Variants in ADARB2 observed in about 807,000 individuals in gnomAD.
ADARB2 encodes inactive double-stranded RNA-specific editase B2.
A neutral mutation model predicts 62.2 loss-of-function variants in ADARB2; 25 were observed. The ratio of observed to expected loss-of-function variants is 0.40; its 90% CI spans 0.29 to 0.56. ADARB2 has a LOEUF of 0.56. Ranked by LOEUF, ADARB2 falls within the 20% of genes least tolerant of loss-of-function variation. The probability of loss-of-function intolerance (pLI) is 0.43; values close to 1 mark genes in which losing one functional copy is unlikely to be tolerated. For missense variants in ADARB2, 1,071 were observed against 1,077.4 expected, an observed-to-expected ratio of 0.99 and a Z score of 0.08; for synonymous variants, 572 against 500.8, an observed-to-expected ratio of 1.14 and a Z score of -1.90.
chr10:1,327,895 T>A (rs1317509520), intron 3 of ADARB2, among the ~76,000 whole-genome samples: 2 of 74,704 alleles, frequency 2.7e-5, no homozygotes, highest in Non-Finnish European at 3.2e-5. Flanking sequence ...TCCTCACAGC[T>A]CAGCGCCTCC....
chr10:1,684,039 T>C (rs1208135146), intron 1 of ADARB2, among the ~76,000 whole-genome samples: 1 of 152,168 alleles, frequency 6.6e-6, no homozygotes, highest in African/African-American at 2.4e-5. Context: ...AATGAGACAA[T>C]GATAAGACCC....
intron 4 of ADARB2, among the ~76,000 whole-genome samples, chr10:1,260,019 C>A (rs1044616480): frequency 6.6e-6 from 1 of 152,080 alleles, no homozygotes; most frequent in Non-Finnish European, 1.5e-5. Flanking sequence ...TAAATGTAAT[C>A]CAGCATATAA....
chr10:1,244,052 C>T (rs1415499966), intron 4 of ADARB2, among the ~76,000 whole-genome samples: 2 of 152,270 alleles, frequency 1.3e-5, no homozygotes, highest in African/African-American at 2.4e-5. Flanking sequence ...CAGGCCTCCT[C>T]CTCTCTCAGC....
intron 5 of ADARB2, chr10:1,240,470 C>T (rs1342588042): frequency 1.3e-5 from 2 of 152,012 alleles, no homozygotes; most frequent in Non-Finnish European, 1.5e-5. Context: ...ACACAGGCAA[C>T]AGAACAGACA....
At chr10:1,593,553 T>C (rs1446777286) in intron 1 of ADARB2, among the ~76,000 whole-genome samples, 1 of 152,258 alleles carries the variant, frequency 6.6e-6, no homozygotes, top group Non-Finnish European at 1.5e-5. Context: ...TTTAAATTCC[T>C]CAAGTATGGT....
chr10:1,667,211 T>A (rs1834326703), intron 1 of ADARB2, among the ~76,000 whole-genome samples: 1 of 152,218 alleles, frequency 6.6e-6, no homozygotes, highest in Non-Finnish European at 1.5e-5. Flanking sequence ...AAATGTCACA[T>A]GATAATTAGT....
intron 1 of ADARB2, among the ~76,000 whole-genome samples, chr10:1,635,096 A>T (rs1351341363): frequency 1.3e-5 from 2 of 152,370 alleles, no homozygotes; most frequent in Admixed American, 1.3e-4. Context: ...ATGTACACTG[A>T]AAGAGTCTAT....
intron 1 of ADARB2, among the ~76,000 whole-genome samples, chr10:1,522,815 G>A (rs1207094628): frequency 1.3e-5 from 2 of 152,180 alleles, no homozygotes; most frequent in East Asian, 1.9e-4. Context: ...TCAGAGGACA[G>A]CGTGCCTGCA....
intron 3 of ADARB2, among the ~76,000 whole-genome samples, chr10:1,272,723 C>A (rs1344901166): frequency 6.6e-6 from 1 of 152,238 alleles, no homozygotes; most frequent in African/African-American, 2.4e-5. Context: ...CAGGCTGCTC[C>A]CAGCTGTCCT....
At chr10:1,628,276 C>T (rs182763413) in intron 1 of ADARB2, among the ~76,000 whole-genome samples, 1 of 152,374 alleles carries the variant, frequency 6.6e-6, no homozygotes, top group East Asian at 1.9e-4. Context: ...TAACAGCACA[C>T]AACCCTGCTA....
chr10:1,274,425 G>A (rs1251991003), intron 3 of ADARB2, among the ~76,000 whole-genome samples: 10 of 152,178 alleles, frequency 6.6e-5, no homozygotes, highest in Non-Finnish European at 1.5e-4. Flanking sequence ...CACACGCTGT[G>A]CTCCAGAGTT....
chr10:1,594,906 T>G (rs1833309960), intron 1 of ADARB2, among the ~76,000 whole-genome samples: 1 of 152,140 alleles, frequency 6.6e-6, no homozygotes, highest in Non-Finnish European at 1.5e-5. Flanking sequence ...TGGGGTGCCA[T>G]CCACGCATCC....
rs1589160330 is a variant in ADARB2, at chr10:1,233,978, C to CTTTTTTTTTT, written c.1362-143_1362-134dup. ...CTTTATATTTTTCCTTTTTTTTTTC[C>CTTTTTTTTTT]TTTTTTTTTTGAGACGGAGTCTTGT... On this transcript the variant is annotated intron_variant, in intron 5 of 9. Transcript: ENST00000381312. 4.6e-6 allele frequency: 2 copies of CTTTTTTTTTT among 433,412 alleles called. 1 individual carries two copies. The allele number at this position is 433,412 out of a possible 1,614,324, so 26.8% of individuals were successfully genotyped here.
chr10:1,627,283 G>C (rs1041795698), intron 1 of ADARB2, among the ~76,000 whole-genome samples: 1 of 152,074 alleles, frequency 6.6e-6, no homozygotes, highest in Admixed American at 6.5e-5. Flanking sequence ...TCCTGATCAC[G>C]GACACTTGAC....
chr10:1,586,348 C>T (rs181287322), intron 1 of ADARB2, among the ~76,000 whole-genome samples: 7 of 152,172 alleles, frequency 4.6e-5, no homozygotes, highest in Admixed American at 2.6e-4. Context: ...TGAAGGACCC[C>T]GAGTGCTTGA....
intron 1 of ADARB2, among the ~76,000 whole-genome samples, chr10:1,547,187 G>A (rs1313584154): frequency 6.6e-6 from 1 of 152,178 alleles, no homozygotes; most frequent in African/African-American, 2.4e-5. Context: ...TGCTGCGCAG[G>A]TGTATACACT....
At chr10:1,577,587 G>T (rs1466663626) in intron 1 of ADARB2, among the ~76,000 whole-genome samples, 1 of 152,226 alleles carries the variant, frequency 6.6e-6, no homozygotes, top group Admixed American at 6.5e-5. Context: ...AGCTGTGAAC[G>T]TGCCAGGCTG....
chr10:1,472,257 C>G (rs1247752123), intron 1 of ADARB2, among the ~76,000 whole-genome samples: 1 of 152,244 alleles, frequency 6.6e-6, no homozygotes, highest in African/African-American at 2.4e-5. Flanking sequence ...ATACTTTTCT[C>G]CAGCTGACCA....
intron 1 of ADARB2, among the ~76,000 whole-genome samples, chr10:1,395,086 T>C (rs1832600141): frequency 6.6e-6 from 1 of 152,156 alleles, no homozygotes. Flanking sequence ...CTGGCTATTG[T>C]TTTATATTCA....
Sources: allele counts gnomAD v4.1 joint callset (sites outside exome capture counted in the v4.1 genomes callset), GRCh38; gene constraint gnomAD v4.1.1; transcripts MANE v1.5; gene names NCBI Gene and HGNC (gene_info 2026-07-23, HGNC 2026-07-21).